CDKAL1: variants seen among roughly 807,000 people sequenced by gnomAD.
CDKAL1 encodes the protein CDKAL1 threonylcarbamoyladenosine tRNA methylthiotransferase.
A neutral mutation model predicts 68.2 loss-of-function variants in CDKAL1; 32 were observed. That is an observed-to-expected ratio of 0.47 (90% CI 0.35 to 0.63). The LOEUF (loss-of-function observed/expected upper bound fraction) is 0.63. CDKAL1 is among the 30% of genes least tolerant of loss of function. The pLI, the probability that CDKAL1 is intolerant of heterozygous loss-of-function variation, is 0.00. For synonymous variants in CDKAL1, 234 were observed against 244.3 expected, an observed-to-expected ratio of 0.96 and a Z score of 0.39; for missense variants, 606 against 696.7, an observed-to-expected ratio of 0.87 and a Z score of 1.47.
chr6:21,046,748 C>G (rs201331), intron 11 of CDKAL1, among the ~76,000 whole-genome samples: 28,899 of 152,238 alleles, frequency 0.19, 2,870 homozygotes, highest in Middle Eastern at 0.23. Context: ...TCTTGGCCAC[C>G]TGCCACCTCC....
chr6:20,634,802 A>G (rs1441024696), intron 4 of CDKAL1, among the ~76,000 whole-genome samples: 1 of 151,708 alleles, frequency 6.6e-6, no homozygotes, highest in Non-Finnish European at 1.5e-5. Flanking sequence ...ACATGGTGAA[A>G]CCCCGTCTCT....
intron 8 of CDKAL1, among the ~76,000 whole-genome samples, chr6:20,796,426 T>C (rs961992513): frequency 6.6e-6 from 1 of 152,202 alleles, no homozygotes; most frequent in Non-Finnish European, 1.5e-5. Flanking sequence ...GATGTATAGA[T>C]TTAAAGTAAT....
chr6:21,087,384 T>A (rs1772752562), intron 12 of CDKAL1, among the ~76,000 whole-genome samples: 1 of 152,118 alleles, frequency 6.6e-6, no homozygotes, highest in Non-Finnish European at 1.5e-5. Context: ...CAGGCTGGAG[T>A]GCAGTGGCAC....
intron 9 of CDKAL1, among the ~76,000 whole-genome samples, chr6:20,907,106 A>G (rs1762262271): frequency 6.6e-6 from 1 of 152,236 alleles, no homozygotes; most frequent in Non-Finnish European, 1.5e-5. Context: ...TGTAATGGGT[A>G]TAGAGTTGCA....
intron 5 of CDKAL1, among the ~76,000 whole-genome samples, chr6:20,738,454 T>C (rs1773294317): frequency 6.6e-6 from 1 of 151,834 alleles, no homozygotes; most frequent in African/African-American, 2.4e-5. Context: ...GCCATATATG[T>C]ATACTTTTGA....
intron 13 of CDKAL1, among the ~76,000 whole-genome samples, chr6:21,157,708 C>G (rs1219480094): frequency 6.6e-6 from 1 of 152,314 alleles, no homozygotes; most frequent in East Asian, 1.9e-4. Context: ...GTCACCTAAC[C>G]TGGCCTTACT....
intron 8 of CDKAL1, among the ~76,000 whole-genome samples, chr6:20,783,883 A>G (rs1019451285): frequency 3.3e-5 from 5 of 152,182 alleles, no homozygotes; most frequent in African/African-American, 1.2e-4. Flanking sequence ...ACCTCCTCAG[A>G]TACAACATCT....
intron 9 of CDKAL1, among the ~76,000 whole-genome samples, chr6:20,881,403 T>A (rs1441378306): frequency 6.6e-6 from 1 of 152,236 alleles, no homozygotes. Flanking sequence ...ATATATAAAT[T>A]GATAAACTTT....
At chr6:21,181,679 G>C (rs1777794604) in intron 13 of CDKAL1, among the ~76,000 whole-genome samples, 1 of 152,174 alleles carries the variant, frequency 6.6e-6, no homozygotes, top group Non-Finnish European at 1.5e-5. Context: ...TGATGTTAAA[G>C]ATAGTTTTCT....
chr6:20,548,729 T>C (rs1316683430), intron 4 of CDKAL1, 24 bp downstream of exon 4: 1 of 1,069,000 alleles, frequency 9.4e-7, no homozygotes, highest in Non-Finnish European at 1.4e-6. Context: ...TAATATATTT[T>C]ATTGATTAAA....
intron 11 of CDKAL1, among the ~76,000 whole-genome samples, chr6:21,006,238 G>A (rs1369235516): frequency 6.6e-6 from 1 of 151,736 alleles, no homozygotes; most frequent in African/African-American, 2.4e-5. Flanking sequence ...TATTCATCTA[G>A]TTTTAGTCCT....
At chr6:20,863,010 G>A (rs1275717829) in intron 9 of CDKAL1, among the ~76,000 whole-genome samples, 1 of 152,122 alleles carries the variant, frequency 6.6e-6, no homozygotes, top group African/African-American at 2.4e-5. Flanking sequence ...TGGGCAACAA[G>A]AGCAAAACTC....
intron 10 of CDKAL1, among the ~76,000 whole-genome samples, chr6:20,979,359 A>G (rs1765995453): frequency 6.6e-6 from 1 of 152,210 alleles, no homozygotes; most frequent in East Asian, 1.9e-4. Context: ...TCTAAATGAG[A>G]ACAGGAAATA....
Position 20,833,463 on chromosome 6 carries a change from G to A in CDKAL1, c.639-12612G>A, listed in dbSNP as rs1426886749. 2.6e-5 allele frequency among the ~76,000 whole-genome samples: 4 copies of A among 151,810 alleles called. No individual in the cohort carries two copies. In the East Asian group the frequency reaches 7.8e-4, roughly 29 times the overall value. ...AAGTCTCATTCAATTCCAAGACCAG[G>A]ATCTTAGATGATACATAGATTATAT... is the stretch of plus-strand genomic sequence containing the variant. On this transcript the variant is annotated intron_variant, in intron 8 of 15. Transcript: ENST00000274695.
intron 12 of CDKAL1, among the ~76,000 whole-genome samples, chr6:21,100,188 A>T (rs541538923): frequency 6.6e-6 from 1 of 151,790 alleles, no homozygotes; most frequent in Non-Finnish European, 1.5e-5. Context: ...AGAAACCGTA[A>T]GGCTGAAAAA....
chr6:21,000,461 A>G, intron 11 of CDKAL1, 89 bp downstream of exon 11: 1 of 1,183,316 alleles, frequency 8.5e-7, no homozygotes. Context: ...CCTTACAATT[A>G]AAGGTACAAG....
chr6:21,136,904 G>T (rs937068610), intron 13 of CDKAL1, among the ~76,000 whole-genome samples: 1 of 152,080 alleles, frequency 6.6e-6, no homozygotes. Context: ...AAGGTAACAC[G>T]GAGGAATTAC....
intron 12 of CDKAL1, among the ~76,000 whole-genome samples, chr6:21,093,733 T>C (rs1176348089): frequency 1.3e-5 from 1 of 78,336 alleles, no homozygotes; most frequent in Non-Finnish European, 2.4e-5. Context: ...TTTTTTTTTT[T>C]TGGAGACAGG....
At chr6:21,080,311 A>T (rs1479758553) in intron 12 of CDKAL1, among the ~76,000 whole-genome samples, 2 of 152,080 alleles carry the variant, frequency 1.3e-5, no homozygotes, top group African/African-American at 4.8e-5. Context: ...ACTAATCTGG[A>T]GTAAATGGAA....
Sources: gnomAD v4.1 joint callset for allele counts (sites outside exome capture counted in the v4.1 genomes callset) on GRCh38, gnomAD v4.1.1 for gene constraint, MANE v1.5 for transcripts, NCBI Gene and HGNC (gene_info 2026-07-23, HGNC 2026-07-21) for gene names.